Variants in HYOU1 observed in about 807,000 individuals in gnomAD.
HYOU1 encodes the protein hypoxia up-regulated 1, also known as hypoxia up-regulated protein 1.
Under a neutral mutation model 120.5 loss-of-function variants are expected in HYOU1, and 40 were observed. The ratio of observed to expected loss-of-function variants is 0.33; its 90% CI spans 0.26 to 0.43. The LOEUF is 0.43. Ranked by LOEUF, HYOU1 falls within the 20% of genes least tolerant of loss-of-function variation. The probability of loss-of-function intolerance (pLI) is 1.00; values close to 1 mark genes in which losing one functional copy is unlikely to be tolerated. For missense variants in HYOU1, 1,085 were observed against 1,278.3 expected (o/e 0.85, Z 2.31); for synonymous variants, 501 against 479.4 (o/e 1.05, Z -0.59).
At position 119,048,047 on chromosome 11, in the gene HYOU1, G is replaced by T; in HGVS notation, c.2410C>A (p.Leu804Met). The change falls in exon 21 of 26, where the codon CTG (leucine) becomes ATG (methionine). Residue 804 changes from leucine (L) to methionine (M), a missense_variant. This residue lies in a region of HYOU1 where 516 missense variants were observed against 517.1 expected (regional missense o/e 1.00). Transcript: ENST00000617285. This position sits in a 1 kb window ranked among gnomAD's most constrained non-coding sequence, Gnocchi z 4.7. ...LKEKLAELRK[L>M]CQGLFFRVEE... ...ACCCGAAAAAACAGCCCTTGGCACA[G>T]CTTCCTCAGCTCAGCCAGCTTCTCC... 1.2e-6 allele frequency: 2 copies of T among 1,614,212 alleles called. No individual in the cohort carries two copies. The highest frequency in any genetic ancestry group is 1.7e-6 in the Non-Finnish European group (2 of 1,180,038).
At position 119,055,142 on chromosome 11, in the gene HYOU1, C is replaced by T. The variant is rs1193589100; in HGVS notation, c.419+43G>A. ...TCAGGAACACACACCAATGAGGAGC[C>T]CAGCAGCGTTGCCGAGACCACCTTC... On this transcript the variant is annotated intron_variant, in intron 5 of 25. Transcript: ENST00000617285. The surrounding 1 kb of genome is among the most constrained non-coding windows in gnomAD (Gnocchi z 4.0). 2 of 1,612,046 alleles carry T rather than the reference C, an allele frequency of 1.2e-6. No individual in the cohort carries two copies. The highest frequency in any genetic ancestry group is 2.7e-5 in the African/African-American group (2 of 74,860).
Position 119,051,477 on chromosome 11 carries a change from T to C in HYOU1, c.1487A>G (p.Asn496Ser). Residue 496 changes from asparagine to serine, a missense_variant, in exon 13 of 26, where the codon AAC (asparagine) becomes AGC (serine). This residue lies in a region of HYOU1 where 515 missense variants were observed against 677.8 expected (regional missense o/e 0.76). Transcript: ENST00000617285. The surrounding 1 kb of genome is among the most constrained non-coding windows in gnomAD (Gnocchi z 4.2). ...CCCCAGGAAGCCCAGGTCGCCGTAGTTGATGTGGAAGTTGAAATCATGGCT... is the reference window on the plus strand; with the variant it reads ...CCCCAGGAAGCCCAGGTCGCCGTAGCTGATGTGGAAGTTGAAATCATGGCT... ...RYSHDFNFHI[N>S]YGDLGFLGPE... The C allele has an allele frequency of 1.9e-6, 3 of 1,614,082 alleles. No homozygotes were observed. The highest frequency in any genetic ancestry group is 1.1e-5 in the South Asian group (1 of 91,078).
rs2133582656 is a variant in HYOU1, at chr11:119,051,106, G to A, written c.1594C>T (p.Pro532Ser). Residue 532 changes from proline to serine, a missense_variant, in exon 14 of 26, where the codon CCT becomes TCT. This residue lies in a region of HYOU1 where 515 missense variants were observed against 677.8 expected (regional missense o/e 0.76). Coordinates refer to ENST00000617285, the MANE Select transcript of HYOU1 (RefSeq NM_006389.5). The surrounding 1 kb of genome is among the most constrained non-coding windows in gnomAD (Gnocchi z 4.2). ...TTGATGCCCTTGGACTCGTAGTCAG[G>A]ATACTTCTTGAAGCTGTCACCCACC... ...KGVGDSFKKY[P>S]DYESKGIKAH... is the part of the protein sequence containing the mutation. 4.3e-6 allele frequency: 7 copies of A among 1,614,078 alleles called. No individual in the cohort carries two copies. In the African/African-American group the frequency reaches 8.0e-5, roughly 18 times the overall value.
chr11:119,048,907 G>A lies in HYOU1; in HGVS notation c.1993-21C>T, dbSNP rs2133568372. 6.2e-7 allele frequency: 1 copy of A among 1,604,892 alleles called. No individual in the cohort carries two copies. The highest frequency in any genetic ancestry group is 8.5e-7 in the Non-Finnish European group (1 of 1,175,914). ...GGTTTCTGGGTGGGAAGAGTCAGGG[G>A]TGTCAGGAAAAGCCTCTGCCCTCCT... On this transcript the variant is annotated intron_variant, in intron 17 of 25. Coordinates refer to ENST00000617285, the MANE Select transcript of HYOU1 (RefSeq NM_006389.5). This position sits in a 1 kb window ranked among gnomAD's most constrained non-coding sequence, Gnocchi z 4.7.
rs2133589339 is a variant in HYOU1, at chr11:119,051,977, G to C, written c.1206-26C>G. On this transcript the variant is annotated intron_variant, in intron 11 of 25. Coordinates refer to ENST00000617285, the MANE Select transcript of HYOU1 (RefSeq NM_006389.5). The surrounding 1 kb of genome is among the most constrained non-coding windows in gnomAD (Gnocchi z 4.2). ...CTGGGAAAGCCCCAAGCCTCAGCAC[G>C]GTCTACCCTGGAGCATGCAACCGGG... 6.2e-6 allele frequency: 10 copies of C among 1,613,814 alleles called. No homozygotes were observed. Among genetic ancestry groups the C allele is most frequent in the Admixed American group, 3.3e-5 (2 of 60,002 alleles).
Position 119,047,933 on chromosome 11 carries a change from C to G in HYOU1, c.2510+14G>C. ...CCTTGGCAGGACTGCAAAAAGGGTT[C>G]AGGGGCTGCTCACTTGAGGAACATG... is the stretch of plus-strand genomic sequence containing the variant. On this transcript the variant is annotated intron_variant, in intron 21 of 25. Coordinates refer to ENST00000617285, the MANE Select transcript of HYOU1 (RefSeq NM_006389.5). The G allele has an allele frequency of 6.2e-7, 1 of 1,614,138 alleles. No homozygotes were observed. The highest frequency in any genetic ancestry group is 8.5e-7 in the Non-Finnish European group (1 of 1,180,032).
chr11:119,047,567 C>T (rs1412077631), intron 22 of HYOU1, 167 bp downstream of exon 22: 1 of 623,590 alleles, frequency 1.6e-6, no homozygotes, highest in Non-Finnish European at 2.8e-6. Context: ...ATGGCCATGG[C>T]CCTTGCTTGG....
At chr11:119,054,765 A>T (rs1944653516) in intron 6 of HYOU1, 90 bp from the exon 7 acceptor site, 2 of 1,372,804 alleles carry the variant, frequency 1.5e-6, no homozygotes, top group Non-Finnish European at 2.0e-6. Context: ...TGGACTAGGT[A>T]ATTCTGTGTT....
Position 119,048,954 on chromosome 11 carries a change from A to C in HYOU1, c.1992+64T>G. ...TCCTACATTCTCCACAAGGCCAGAA[A>C]CAAGGCAGGCGCCTGCTCCCTTAGC... On this transcript the variant is annotated intron_variant, in intron 17 of 25. Transcript: ENST00000617285. This position sits in a 1 kb window ranked among gnomAD's most constrained non-coding sequence, Gnocchi z 4.7. The C allele has an allele frequency of 6.2e-7, 1 of 1,610,846 alleles. No individual in the cohort carries two copies. Among genetic ancestry groups the C allele is most frequent in the Non-Finnish European group, 8.5e-7 (1 of 1,178,512 alleles).
At chr11:119,049,752 A>C in intron 15 of HYOU1, 25 bp downstream of exon 15, 1 of 1,612,470 alleles carries the variant, frequency 6.2e-7, no homozygotes, top group Non-Finnish European at 8.5e-7. Context: ...ATTCTCTCCC[A>C]TACACACATG....
In HYOU1 at chr11:119,055,432, C is replaced by T. The variant is rs2133613295; in HGVS notation, c.264+61G>A. 1 of 1,608,010 alleles carries T rather than the reference C, an allele frequency of 6.2e-7. No individual in the cohort carries two copies. The highest frequency in any genetic ancestry group is 2.2e-5 in the East Asian group (1 of 44,864). On this transcript the variant is annotated intron_variant, in intron 4 of 25. Coordinates refer to ENST00000617285, the MANE Select transcript of HYOU1 (RefSeq NM_006389.5). This position sits in a 1 kb window ranked among gnomAD's most constrained non-coding sequence, Gnocchi z 4.0. Reference sequence around the variant, plus strand: ...ACAGAGACTGATAAGGAAACAGACTCTGGGGGCTGCCATCTCCTCTCCTCT... The same window carrying T: ...ACAGAGACTGATAAGGAAACAGACTTTGGGGGCTGCCATCTCCTCTCCTCT...
rs2133566253 is a variant in HYOU1, at chr11:119,048,674, C to T, written c.2165+40G>A. 36 of 1,606,062 alleles carry T rather than the reference C, an allele frequency of 2.2e-5. No homozygotes were observed. The highest frequency in any genetic ancestry group is 1.7e-4 in the Middle Eastern group (1 of 6,052). The stretch of plus-strand genomic sequence containing the variant: ...GCCATCCCACATCCTGCCCACCTTG[C>T]ACACACATGTACACACACACACCAG... On this transcript the variant is annotated intron_variant, in intron 18 of 25. Coordinates refer to ENST00000617285, the MANE Select transcript of HYOU1 (RefSeq NM_006389.5). This position sits in a 1 kb window ranked among gnomAD's most constrained non-coding sequence, Gnocchi z 4.7.
chr11:119,047,444 C>T, intron 22 of HYOU1: 1 of 379,358 alleles, frequency 2.6e-6, no homozygotes, highest in Non-Finnish European at 4.9e-6. Context: ...ATCAGTTTCA[C>T]CTAGCCAAAC....
At position 119,051,748 on chromosome 11, in the gene HYOU1, C is replaced by T. The variant is rs1944453374; in HGVS notation, c.1338+71G>A. 5.6e-6 allele frequency: 9 copies of T among 1,603,502 alleles called. No individual in the cohort carries two copies. In the South Asian group the frequency reaches 8.8e-5, roughly 16 times the overall value. On this transcript the variant is annotated intron_variant, in intron 12 of 25. Coordinates refer to ENST00000617285, the MANE Select transcript of HYOU1 (RefSeq NM_006389.5). This position sits in a 1 kb window ranked among gnomAD's most constrained non-coding sequence, Gnocchi z 4.2. Reference sequence around the variant, plus strand: ...AGAAAGACAAAGGGATGAGCCAGAGCAGACAGAAGGGGAAACCCTACTTGG... The same window carrying T: ...AGAAAGACAAAGGGATGAGCCAGAGTAGACAGAAGGGGAAACCCTACTTGG...
intron 24 of HYOU1, 152 bp downstream of exon 24, chr11:119,046,265 C>CTT (rs11349624): frequency 7.1e-3 from 3,489 of 491,522 alleles, no homozygotes; most frequent in South Asian, 0.019. Context: ...CGTGCCTGGC[C>CTT]TTTTTTTTTT....
In HYOU1 at chr11:119,054,478, G is replaced by A; in HGVS notation, c.678+16C>T. On this transcript the variant is annotated intron_variant, in intron 7 of 25. Coordinates refer to ENST00000617285, the MANE Select transcript of HYOU1 (RefSeq NM_006389.5). ...TCAGTCACCCTGCATGTCTGGTCAA[G>A]GCTCCCCTGGCTCACCTGGGCAGTG... The A allele has an allele frequency of 6.2e-7, 1 of 1,613,222 alleles. No individual in the cohort carries two copies. The highest frequency in any genetic ancestry group is 8.5e-7 in the Non-Finnish European group (1 of 1,179,268).
Position 119,055,051 on chromosome 11 carries a change from C to G in HYOU1, c.429G>C (p.Gln143His). ...TVHFQISSQL[Q>H]FSPEEVLGMV... ...TGCCCAACACTTCCTCAGGTGAGAA[C>G]TGCAGCTGCCTGAGGGGAAGGAAGG... Residue 143 changes from glutamine (Q) to histidine (H), a missense_variant, in exon 6 of 26, where the codon CAG becomes CAC. By Grantham distance (24) the Gln-to-His change is conservative. Coordinates refer to ENST00000617285, the MANE Select transcript of HYOU1 (RefSeq NM_006389.5). The surrounding 1 kb of genome is among the most constrained non-coding windows in gnomAD (Gnocchi z 4.0). 3 of 1,614,168 alleles carry G rather than the reference C, an allele frequency of 1.9e-6. No homozygotes were observed. The highest frequency in any genetic ancestry group is 2.5e-6 in the Non-Finnish European group (3 of 1,180,028).
rs1190481882 is a variant in HYOU1 at position 119,052,488 on chromosome 11, TAGGACAGAAACAA to T, written c.988-72_988-60del. The T allele has an allele frequency of 5.6e-6, 9 of 1,610,390 alleles. No individual in the cohort carries two copies. In the African/African-American group the frequency reaches 1.2e-4, roughly 22 times the overall value. ...GCCCAGCTCCCGCTCTCTTGGTGAG[TAGGACAGAAACAA>T]AAAGAATAGGTCTTTGGGAGGATGG... On this transcript the variant is annotated intron_variant, in intron 9 of 25. Coordinates refer to ENST00000617285, the MANE Select transcript of HYOU1 (RefSeq NM_006389.5). This position sits in a 1 kb window ranked among gnomAD's most constrained non-coding sequence, Gnocchi z 5.0.
Position 119,048,481 on chromosome 11 carries a change from T to A in HYOU1, c.2248A>T (p.Thr750Ser). The change falls in exon 19 of 26, where the codon ACC becomes TCC. Residue 750 changes from threonine (T) to serine (S), a missense_variant. Physicochemically the swap from Thr to Ser is moderately conservative, Grantham distance 58 (BLOSUM62 1). Around this residue, in one of 4 missense-constraint regions of HYOU1, gnomAD observed 516 missense variants for 517.1 expected, o/e 1.00. Transcript: ENST00000617285. This position sits in a 1 kb window ranked among gnomAD's most constrained non-coding sequence, Gnocchi z 4.7. ...ANSLEAFIFE[T>S]QDKLYQPEYQ... ...GCTGCCTCCTGCCCACTGACCTGGG[T>A]CTCAAATATGAATGCTTCCAAGCTG... 6.2e-7 allele frequency: 1 copy of A among 1,613,796 alleles called. No homozygotes were observed. Among genetic ancestry groups the A allele is most frequent in the African/African-American group, 1.3e-5 (1 of 74,948 alleles).
Sources: allele counts gnomAD v4.1 joint callset, GRCh38; gene constraint gnomAD v4.1.1; regional missense constraint gnomAD v4.1.1; non-coding constraint Gnocchi (gnomAD v3.1); transcripts MANE v1.5; gene names NCBI Gene and HGNC (gene_info 2026-07-23, HGNC 2026-07-21).